GPAM: variants seen among roughly 807,000 people sequenced by gnomAD.
GPAM encodes the protein glycerol-3-phosphate acyltransferase, mitochondrial.
Under a neutral mutation model 105.0 loss-of-function variants are expected in GPAM, and 56 were observed. The observed-to-expected ratio is 0.53, with a 90% CI of 0.43 to 0.67. The LOEUF is 0.67. Among genes scored for constraint, GPAM ranks in the 30% least tolerant of loss-of-function variants. The probability of loss-of-function intolerance (pLI) is 0.00; values close to 1 mark genes in which losing one functional copy is unlikely to be tolerated. For synonymous variants in GPAM, 368 were observed against 354.4 expected, an observed-to-expected ratio of 1.04 and a Z score of -0.43; for missense variants, 855 against 989.8, an observed-to-expected ratio of 0.86 and a Z score of 1.83.
chr10:112,224,875 C>G, the GPAM span, among the ~76,000 whole-genome samples: 2 of 152,118 alleles, frequency 1.3e-5, no homozygotes, highest in East Asian at 1.9e-4. Flanking sequence ...CGATAGTCAC[C>G]GCAAGTTCTC....
At chr10:112,184,618 A>G (rs143730123), upstream of GPAM, among the ~76,000 whole-genome samples, 528 of 152,360 alleles carry the variant, frequency 3.5e-3, 2 homozygotes, top group African/African-American at 0.012. Context: ...TTATAAGACA[A>G]TGGCTTTTAA....
At chr10:112,161,850 T>G (rs938181874) in intron 14 of GPAM, 113 bp from the exon 15 acceptor site, 8 of 781,258 alleles carry the variant, frequency 1.0e-5, no homozygotes, top group South Asian at 5.8e-5. Flanking sequence ...AAGTCTTCTA[T>G]CACATTTCCC....
chr10:112,172,093 A>G, intron 9 of GPAM, 89 bp downstream of exon 9: 2 of 977,910 alleles, frequency 2.0e-6, no homozygotes, highest in Non-Finnish European at 3.2e-6. Flanking sequence ...TCATCTTTAC[A>G]ATAACATATC....
At chr10:112,184,725 G>A (rs930464150), upstream of GPAM, among the ~76,000 whole-genome samples, 3 of 152,220 alleles carry the variant, frequency 2.0e-5, no homozygotes, top group Non-Finnish European at 2.9e-5. Flanking sequence ...GCCAAAAAGA[G>A]CTAGGCAGAC....
rs547956994 is a variant in GPAM at position 112,196,771 on chromosome 10, TC to T, written n.211-13881del. 2.2e-3 allele frequency among the ~76,000 whole-genome samples: 335 copies of T among 152,332 alleles called. 1 individual carries two copies. The highest frequency in any genetic ancestry group is 3.6e-3 in the Non-Finnish European group (244 of 68,026). On this transcript the variant is annotated intron_variant and non_coding_transcript_variant, in intron 1 of 3. Coordinates refer to the GPAM transcript ENST00000480130. ...TCCAGGATCACAAGGTGCAATTTCTTCTTCTAGCCCCATTTTGTTTTACTAC... is the reference window on the plus strand; with the variant it reads ...TCCAGGATCACAAGGTGCAATTTCTTTTCTAGCCCCATTTTGTTTTACTAC...
intron 4 of GPAM, among the ~76,000 whole-genome samples, chr10:112,178,917 T>C (rs374263874): frequency 2.0e-5 from 3 of 152,214 alleles, no homozygotes; most frequent in African/African-American, 7.2e-5. Context: ...TCACCCTCTT[T>C]ACATGTGATC....
At chr10:112,183,268 A>G (rs1847540697) in intron 1 of GPAM, among the ~76,000 whole-genome samples, 1 of 152,376 alleles carries the variant, frequency 6.6e-6, no homozygotes, top group East Asian at 1.9e-4. Context: ...AGGGTCTACC[A>G]CAGTGTGTAA....
At chr10:112,227,578 A>G in the GPAM span, among the ~76,000 whole-genome samples, 1 of 152,168 alleles carries the variant, frequency 6.6e-6, no homozygotes, top group Non-Finnish European at 1.5e-5. Flanking sequence ...CTCCCTCATC[A>G]TGCTGGTTCC....
upstream of GPAM, among the ~76,000 whole-genome samples, chr10:112,186,764 C>T (rs192723622): frequency 6.7e-4 from 102 of 152,214 alleles, no homozygotes; most frequent in Admixed American, 1.1e-3. Context: ...TTGCCCAGGC[C>T]GGTCTCGATC....
rs1314653409 is a variant in GPAM, at chr10:112,155,785, A to G, written c.2311+79T>C. ...GGTCAGGATAAGTTTGCATTTTTCC[A>G]ATTTTCTACAATTAGCAAATTTCTG... is the stretch of plus-strand genomic sequence containing the variant. On this transcript the variant is annotated intron_variant, in intron 20 of 21. Coordinates refer to ENST00000348367, the MANE Select transcript of GPAM (RefSeq NM_001244949.2). 5.6e-6 allele frequency: 5 copies of G among 893,660 alleles called. No individual in the cohort carries two copies. The African/African-American group carries it at 6.8e-5, about 12-fold the overall frequency. 55.4% of individuals were successfully genotyped at this position (893,660 alleles called of 1,614,324 possible).
chr10:112,154,473 T>A (rs1339072323), intron 21 of GPAM, 156 bp downstream of exon 21: 11 of 665,092 alleles, frequency 1.7e-5, no homozygotes, highest in Admixed American at 6.7e-5. Context: ...GCCCAACCCA[T>A]CCTACATGCC....
chr10:112,199,075 G>A (rs1285071117), intron 1 of GPAM, among the ~76,000 whole-genome samples: 1 of 147,958 alleles, frequency 6.8e-6, no homozygotes, highest in Non-Finnish European at 1.5e-5. Flanking sequence ...GACACACGCC[G>A]CCACGCCTGG....
At chr10:112,164,935 T>C (rs989719295) in intron 12 of GPAM, among the ~76,000 whole-genome samples, 9 of 152,310 alleles carry the variant, frequency 5.9e-5, no homozygotes, top group South Asian at 2.1e-4. Context: ...ATAGTGATGA[T>C]AGACATAATC....
chr10:112,176,845 G>A (rs1027601039), intron 5 of GPAM, among the ~76,000 whole-genome samples: 1 of 152,216 alleles, frequency 6.6e-6, no homozygotes, highest in Non-Finnish European at 1.5e-5. Context: ...AGAATACACA[G>A]AAGAAGTAAA....
intron 1 of GPAM, among the ~76,000 whole-genome samples, chr10:112,212,325 C>T (rs193232821): frequency 2.1e-4 from 32 of 152,210 alleles, no homozygotes; most frequent in African/African-American, 6.7e-4. Flanking sequence ...TGCAGTGGTG[C>T]GATCTCAGCT....
rs939230892 is a variant in GPAM at position 112,152,317 on chromosome 10, G to A, written c.*1233C>T. The A allele has an allele frequency of 1.0e-6, 1 of 984,428 alleles. No individual in the cohort carries two copies. The highest frequency in any genetic ancestry group is 1.8e-5 in the African/African-American group (1 of 57,142). The allele number at this position is 984,428 out of a possible 1,614,324, so 61.0% of individuals were successfully genotyped here. A position where few individuals can be genotyped will look rare whatever the true frequency, so the allele number is the denominator to read the frequency against. The stretch of plus-strand genomic sequence containing the variant: ...TAATTATGCTCCCTGCTCACAAAAG[G>A]CACCTACCAATTATGAACAGACCAT... On this transcript the variant is annotated 3_prime_UTR_variant, in exon 22 of 22. Transcript: ENST00000348367.
At position 112,181,674 on chromosome 10, in the gene GPAM, T is replaced by G; in HGVS notation, c.102+9A>C. The G allele has an allele frequency of 6.6e-7, 1 of 1,509,536 alleles. No homozygotes were observed. Among genetic ancestry groups the G allele is most frequent in the Non-Finnish European group, 9.2e-7 (1 of 1,084,524 alleles). 93.5% of individuals were successfully genotyped at this position (1,509,536 alleles called of 1,614,324 possible). A position where few individuals can be genotyped will look rare whatever the true frequency, so the allele number is the denominator to read the frequency against. On this transcript the variant is annotated intron_variant, in intron 3 of 21. Transcript: ENST00000348367. Reference sequence around the variant, plus strand: ...GGCTGAGTGCTTTTAACTCTTATCCTAAACTTACCCATTCCTCACTTGTGT... The same window carrying G: ...GGCTGAGTGCTTTTAACTCTTATCCGAAACTTACCCATTCCTCACTTGTGT...
Position 112,150,074 on chromosome 10 carries a change from T to C in GPAM, c.*3476A>G, listed in dbSNP as rs1846887937. The C allele has an allele frequency of 1.0e-6, 1 of 984,750 alleles. No individual in the cohort carries two copies. The highest frequency in any genetic ancestry group is 1.7e-5 in the African/African-American group (1 of 57,230). The allele number at this position is 984,750 out of a possible 1,614,324, so 61.0% of individuals were successfully genotyped here. A position where few individuals can be genotyped will look rare whatever the true frequency, so the allele number is the denominator to read the frequency against. On this transcript the variant is annotated 3_prime_UTR_variant, in exon 22 of 22. Transcript: ENST00000348367. ...AGTTTAATACCTTCCATCAAGACAT[T>C]TCAGAGCTCTAGACGTTTAGAAATA...
chr10:112,167,712 T>C (rs755806079), intron 11 of GPAM, among the ~76,000 whole-genome samples: 2 of 152,222 alleles, frequency 1.3e-5, no homozygotes, highest in Non-Finnish European at 2.9e-5. Flanking sequence ...GGGATGATGA[T>C]AGGAGAAGCA....
Sources: gnomAD v4.1 joint callset for allele counts (sites outside exome capture counted in the v4.1 genomes callset) on GRCh38, gnomAD v4.1.1 for gene constraint, MANE v1.5 for transcripts, NCBI Gene and HGNC (gene_info 2026-07-23, HGNC 2026-07-21) for gene names.